The following GRHL2 variants were observed in gnomAD, a reference collection of about 807,000 sequenced individuals.
GRHL2 encodes the protein grainyhead like transcription factor 2, also known as grainyhead-like protein 2 homolog.
A neutral mutation model predicts 83.8 loss-of-function variants in GRHL2; 21 were observed. The ratio of observed to expected loss-of-function variants is 0.25; its 90% CI spans 0.18 to 0.36. The LOEUF is 0.36. GRHL2 is among the 10% of genes least tolerant of loss of function. GRHL2 has a pLI of 1.00. For missense variants in GRHL2, 623 were observed against 781.8 expected, an observed-to-expected ratio of 0.80 and a Z score of 2.42; for synonymous variants, 280 against 278.9, an observed-to-expected ratio of 1.00 and a Z score of -0.04.
chr8:101,619,487 T>C (rs1812919810), intron 8 of GRHL2, 52 bp from the exon 9 acceptor site: 1 of 1,553,926 alleles, frequency 6.4e-7, no homozygotes, highest in Non-Finnish European at 8.9e-7. Context: ...ATGCGTTTAT[T>C]GTACATTCTT....
intron 1 of GRHL2, among the ~76,000 whole-genome samples, chr8:101,514,177 A>C (rs1218220785): frequency 6.6e-6 from 1 of 152,162 alleles, no homozygotes; most frequent in Non-Finnish European, 1.5e-5. Context: ...ATATGTGCAC[A>C]CACACAGGAC....
At chr8:101,620,535 C>T (rs754254474) in intron 9 of GRHL2, among the ~76,000 whole-genome samples, 7 of 152,096 alleles carry the variant, frequency 4.6e-5, no homozygotes, top group Non-Finnish European at 7.4e-5. Flanking sequence ...TTTGAATCTC[C>T]CTGAATCCCA....
intron 3 of GRHL2, among the ~76,000 whole-genome samples, chr8:101,553,976 G>A (rs1010194801): frequency 5.9e-5 from 9 of 152,112 alleles, no homozygotes; most frequent in Non-Finnish European, 1.2e-4. Flanking sequence ...CTCTTCCCCT[G>A]CAGTGGGATG....
intron 1 of GRHL2, among the ~76,000 whole-genome samples, chr8:101,504,193 A>G (rs1810288288): frequency 2.0e-5 from 3 of 152,176 alleles, no homozygotes; most frequent in Non-Finnish European, 2.9e-5. Flanking sequence ...TGTCCCAGGA[A>G]TGCCACGCTG....
Position 101,608,358 on chromosome 8 carries a change from T to TATG in GRHL2, c.1098+9207_1098+9208insATG, listed in dbSNP as rs1405227445. 5.4e-3 allele frequency among the ~76,000 whole-genome samples: 825 copies of TATG among 152,328 alleles called. 8 individuals are homozygous for TATG. The highest frequency in any genetic ancestry group is 0.018 in the African/African-American group (756 of 41,582). On this transcript the variant is annotated intron_variant, in intron 8 of 15. Coordinates refer to ENST00000646743, the MANE Select transcript of GRHL2 (RefSeq NM_024915.4). Reference sequence around the variant, plus strand: ...GTAGTAATATCTCCTTTATTATCTCTGACAAGGGAATAACCATTCCTGTGA... The same window carrying TATG: ...GTAGTAATATCTCCTTTATTATCTCTATGGACAAGGGAATAACCATTCCTGTGA...
At chr8:101,665,587 TCA>T (rs1383029867) in intron 15 of GRHL2, among the ~76,000 whole-genome samples, 2 of 152,220 alleles carry the variant, frequency 1.3e-5, no homozygotes, top group Non-Finnish European at 2.9e-5. Context: ...CAGTCGTGTC[TCA>T]CAGTCTTATT....
chr8:101,498,943 C>T (rs999145126), intron 1 of GRHL2, among the ~76,000 whole-genome samples: 5 of 151,890 alleles, frequency 3.3e-5, no homozygotes, highest in South Asian at 4.2e-4. Context: ...GGCATGGTGG[C>T]GGGCACCTGT....
At chr8:101,601,707 T>C (rs1252717619) in intron 8 of GRHL2, among the ~76,000 whole-genome samples, 1 of 152,248 alleles carries the variant, frequency 6.6e-6, no homozygotes, top group Non-Finnish European at 1.5e-5. Flanking sequence ...TGATTATTAC[T>C]TGGTCGCAGC....
chr8:101,677,212 CAATAAT>C, the GRHL2 span, among the ~76,000 whole-genome samples: 1 of 150,732 alleles, frequency 6.6e-6, no homozygotes, highest in Non-Finnish European at 1.5e-5. Flanking sequence ...TAAATAATAA[CAATAAT>C]AATAATAAAA....
chr8:101,628,029 T>A lies in GRHL2; in HGVS notation c.1258-3608T>A, dbSNP rs117977212. On this transcript the variant is annotated intron_variant, in intron 9 of 15. Transcript: ENST00000646743. Reference sequence around the variant, plus strand: ...TAAATGTGCAAGATTAAACTGCAAGTGCTGATGTAGAAGCTGCAGCAAGTT... The same window carrying A: ...TAAATGTGCAAGATTAAACTGCAAGAGCTGATGTAGAAGCTGCAGCAAGTT... Among the ~76,000 whole-genome samples, 486 of 152,282 alleles carry A rather than the reference T, an allele frequency of 3.2e-3. 8 individuals are homozygous for A. In the East Asian group the frequency reaches 0.057, roughly 18 times the overall value.
At chr8:101,557,375 C>T (rs140900051) in intron 3 of GRHL2, among the ~76,000 whole-genome samples, 73 of 152,074 alleles carry the variant, frequency 4.8e-4, no homozygotes, top group African/African-American at 1.7e-3. Flanking sequence ...CAGGCGCATG[C>T]CACTGTGCCT....
intron 7 of GRHL2, among the ~76,000 whole-genome samples, chr8:101,583,406 A>G (rs1812096573): frequency 1.3e-5 from 2 of 152,240 alleles, no homozygotes; most frequent in South Asian, 4.1e-4. Flanking sequence ...TGTGGGGGAT[A>G]CAGGGGAACA....
chr8:101,592,308 T>C (rs910809940), intron 7 of GRHL2, among the ~76,000 whole-genome samples: 1 of 152,052 alleles, frequency 6.6e-6, no homozygotes, highest in Admixed American at 6.5e-5. Context: ...TTTCACCACG[T>C]TGGTCAGGCT....
chr8:101,603,769 C>A (rs1184672508), intron 8 of GRHL2, among the ~76,000 whole-genome samples: 1 of 152,102 alleles, frequency 6.6e-6, no homozygotes, highest in East Asian at 1.9e-4. Flanking sequence ...AGGGTCTCTG[C>A]AGGCTGGAAG....
chr8:101,599,958 G>T (rs943473387), intron 8 of GRHL2, among the ~76,000 whole-genome samples: 50 of 152,132 alleles, frequency 3.3e-4, no homozygotes, highest in African/African-American at 1.2e-3. Flanking sequence ...ACCTAAGCTT[G>T]TTTTTTGCTT....
intron 1 of GRHL2, among the ~76,000 whole-genome samples, chr8:101,507,431 T>G (rs1385687635): frequency 6.6e-6 from 1 of 152,150 alleles, no homozygotes; most frequent in Non-Finnish European, 1.5e-5. Flanking sequence ...GGTAGTTAAT[T>G]TATACTTAAA....
At chr8:101,610,920 A>G (rs138999406) in intron 8 of GRHL2, among the ~76,000 whole-genome samples, 1 of 151,046 alleles carries the variant, frequency 6.6e-6, no homozygotes, top group East Asian at 1.9e-4. Flanking sequence ...GTTCTAAGGT[A>G]CCATCTTAAG....
At chr8:101,568,671 G>C (rs1376626916) in intron 4 of GRHL2, among the ~76,000 whole-genome samples, 2 of 150,040 alleles carry the variant, frequency 1.3e-5, no homozygotes, top group Non-Finnish European at 3.0e-5. Context: ...ATATAATTTT[G>C]TGTTTCTTCT....
chr8:101,518,542 T>C (rs1005885382), intron 1 of GRHL2, among the ~76,000 whole-genome samples: 3 of 152,200 alleles, frequency 2.0e-5, no homozygotes, highest in African/African-American at 7.2e-5. Flanking sequence ...GTGTGTTTGG[T>C]TACAAGAATA....
Sources: gnomAD v4.1 joint callset for allele counts (sites outside exome capture counted in the v4.1 genomes callset) on GRCh38, gnomAD v4.1.1 for gene constraint, MANE v1.5 for transcripts, NCBI Gene and HGNC (gene_info 2026-07-23, HGNC 2026-07-21) for gene names.